SEC24B: variants seen among roughly 807,000 people sequenced by gnomAD.
The protein encoded by SEC24B is SEC24 homolog B, COPII component, also known as protein transport protein Sec24B.
Under a neutral mutation model 142.8 loss-of-function variants are expected in SEC24B, and 45 were observed. The observed-to-expected ratio is 0.32, with a 90% CI of 0.25 to 0.40. The LOEUF (loss-of-function observed/expected upper bound fraction) is 0.40, where lower values mean the gene tolerates loss of function less well. SEC24B is among the 10% of genes least tolerant of loss of function. The pLI is 1.00. For synonymous variants in SEC24B, 574 were observed against 568.2 expected (o/e 1.01, Z -0.15); for missense variants, 1,409 against 1,526.8 (o/e 0.92, Z 1.29).
chr4:109,467,097 C>T (rs1007097336), intron 2 of SEC24B, among the ~76,000 whole-genome samples: 6 of 150,300 alleles, frequency 4.0e-5, no homozygotes, highest in Non-Finnish European at 8.9e-5. Context: ...GAGGCCGAGG[C>T]GGGCGGATCA....
chr4:109,503,498 A>C (rs1736384929), intron 6 of SEC24B, among the ~76,000 whole-genome samples: 1 of 151,944 alleles, frequency 6.6e-6, no homozygotes, highest in Non-Finnish European at 1.5e-5. Flanking sequence ...TGCTGGGATT[A>C]CAGGCATGAG....
intron 1 of SEC24B, among the ~76,000 whole-genome samples, chr4:109,437,425 A>T (rs1162901205): frequency 3.9e-5 from 6 of 152,000 alleles, no homozygotes; most frequent in Non-Finnish European, 7.4e-5. Context: ...CTAGGACTAT[A>T]GGCATGCACT....
intron 6 of SEC24B, among the ~76,000 whole-genome samples, chr4:109,498,077 C>T (rs1010554472): frequency 1.3e-5 from 2 of 152,160 alleles, no homozygotes; most frequent in Non-Finnish European, 2.9e-5. Context: ...AAAGACCTTG[C>T]AGTACAGAAT....
At position 109,529,699 on chromosome 4, in the gene SEC24B, A is replaced by G. The variant is rs551172465; in HGVS notation, c.3077-590A>G. Among the ~76,000 whole-genome samples the G allele has an allele frequency of 4.6e-5, 7 of 152,298 alleles. No homozygotes were observed. The South Asian group carries it at 1.2e-3, about 27-fold the overall frequency. On this transcript the variant is annotated intron_variant, in intron 18 of 23. Coordinates refer to ENST00000265175, the MANE Select transcript of SEC24B (RefSeq NM_006323.5). ...CTTCCCAAGGCTTTTTCAGAAGTAA[A>G]TGGAAAAATATGCATTTCACTAATA... is the stretch of plus-strand genomic sequence containing the variant.
intron 2 of SEC24B, among the ~76,000 whole-genome samples, chr4:109,471,405 A>G (rs930518612): frequency 3.9e-5 from 6 of 152,140 alleles, no homozygotes; most frequent in African/African-American, 1.2e-4. Context: ...TTGGCCTCCT[A>G]AACTGCTGGG....
chr4:109,521,716 T>G (rs1723634083), intron 14 of SEC24B, 90 bp downstream of exon 14: 1 of 1,015,872 alleles, frequency 9.8e-7, no homozygotes, highest in African/African-American at 1.6e-5. Flanking sequence ...GGCAAGAGAG[T>G]TGGGTTTTTT....
chr4:109,471,440 C>T (rs1048884679), intron 2 of SEC24B, among the ~76,000 whole-genome samples: 8 of 152,136 alleles, frequency 5.3e-5, no homozygotes, highest in Non-Finnish European at 8.8e-5. Context: ...CAACCACACC[C>T]GACCCTAATT....
At chr4:109,495,577 A>G (rs538230999) in intron 6 of SEC24B, among the ~76,000 whole-genome samples, 4 of 152,276 alleles carry the variant, frequency 2.6e-5, no homozygotes, top group African/African-American at 7.2e-5. Flanking sequence ...TGAGGAGGCA[A>G]TGTCTTATTT....
At chr4:109,497,317 A>T (rs968005921) in intron 6 of SEC24B, among the ~76,000 whole-genome samples, 1 of 152,258 alleles carries the variant, frequency 6.6e-6, no homozygotes, top group African/African-American at 2.4e-5. Flanking sequence ...TCAAAAAATT[A>T]CCTTTGGGAT....
At chr4:109,464,795 C>A (rs1315236171) in intron 2 of SEC24B, among the ~76,000 whole-genome samples, 1 of 152,126 alleles carries the variant, frequency 6.6e-6, no homozygotes, top group Non-Finnish European at 1.5e-5. Flanking sequence ...CCAAGCTGTA[C>A]ATTTGAGATC....
chr4:109,446,216 T>A (rs1353770711), intron 1 of SEC24B, among the ~76,000 whole-genome samples: 1 of 152,152 alleles, frequency 6.6e-6, no homozygotes, highest in Non-Finnish European at 1.5e-5. Context: ...TTGGTAGGCC[T>A]GATACAATCA....
chr4:109,488,370 T>A (rs554196660), intron 4 of SEC24B, among the ~76,000 whole-genome samples: 2 of 152,326 alleles, frequency 1.3e-5, no homozygotes, highest in Admixed American at 6.5e-5. Context: ...TCATATAATA[T>A]GTGGTTGTTA....
intron 8 of SEC24B, among the ~76,000 whole-genome samples, chr4:109,511,545 G>A (rs969765207): frequency 6.6e-6 from 1 of 152,120 alleles, no homozygotes; most frequent in Non-Finnish European, 1.5e-5. Flanking sequence ...GGCACGTTGT[G>A]TTTGACTGCT....
chr4:109,481,113 C>A (rs979889700), intron 3 of SEC24B, among the ~76,000 whole-genome samples: 3 of 152,114 alleles, frequency 2.0e-5, no homozygotes, highest in African/African-American at 7.2e-5. Context: ...CCCCAGCCCC[C>A]CGTCCCCCAC....
rs1474228575 is a variant in SEC24B at position 109,538,487 on chromosome 4, T to C, written c.3589-6T>C. On this transcript the variant is annotated splice_polypyrimidine_tract_variant and splice_region_variant and intron_variant, in intron 22 of 23. Coordinates refer to ENST00000265175, the MANE Select transcript of SEC24B (RefSeq NM_006323.5). ...GAAAGTTTCCTAATTGTATTTCTTT[T>C]ACCAGACACATCTTCCAGAGCTAGA... 1.3e-6 allele frequency: 2 copies of C among 1,596,790 alleles called. No individual in the cohort carries two copies. The highest frequency in any genetic ancestry group is 1.7e-6 in the Non-Finnish European group (2 of 1,164,726).
chr4:109,524,198 C>T (rs1242790066), intron 14 of SEC24B, among the ~76,000 whole-genome samples: 1 of 152,116 alleles, frequency 6.6e-6, no homozygotes, highest in Non-Finnish European at 1.5e-5. Context: ...TCTAAAGTTT[C>T]AGTATCTGTT....
intron 1 of SEC24B, among the ~76,000 whole-genome samples, chr4:109,442,819 A>G (rs1238975498): frequency 6.6e-6 from 1 of 152,148 alleles, no homozygotes; most frequent in Non-Finnish European, 1.5e-5. Context: ...TTACAATCTT[A>G]TTCAGGTAAC....
At chr4:109,503,776 G>C (rs1315231837) in intron 6 of SEC24B, among the ~76,000 whole-genome samples, 2 of 151,762 alleles carry the variant, frequency 1.3e-5, no homozygotes, top group Admixed American at 6.6e-5. Context: ...TGATGATTTT[G>C]GTTTTGCATC....
At chr4:109,516,261 A>T (rs567412936) in intron 10 of SEC24B, among the ~76,000 whole-genome samples, 5 of 152,350 alleles carry the variant, frequency 3.3e-5, no homozygotes, top group Admixed American at 3.3e-4. Context: ...ATGAACTCTT[A>T]GCCAACACTC....
Sources: allele counts gnomAD v4.1 joint callset (sites outside exome capture counted in the v4.1 genomes callset), GRCh38; gene constraint gnomAD v4.1.1; transcripts MANE v1.5; gene names NCBI Gene and HGNC (gene_info 2026-07-23, HGNC 2026-07-21).